Variants in MROH1 observed in about 807,000 individuals in gnomAD.
MROH1 encodes the protein maestro heat-like repeat-containing protein family member 1.
In MROH1, 117 loss-of-function variants were observed where a neutral mutation model predicts 116.5. That is an observed-to-expected ratio of 1.00 (90% CI 0.86 to 1.17). MROH1 has a LOEUF of 1.17. Ranked by LOEUF, MROH1 falls within the 50% of genes most tolerant of loss-of-function variation. The pLI, the probability that MROH1 is intolerant of heterozygous loss-of-function variation, is 0.00. For synonymous variants in MROH1, 921 were observed against 583.9 expected, an observed-to-expected ratio of 1.58 and a Z score of -8.32; for missense variants, 1,873 against 1,338.5, an observed-to-expected ratio of 1.40 and a Z score of -6.23.
At chr8:144,240,843 G>A (rs1840857236) in intron 20 of MROH1, 149 bp from the exon 21 acceptor site, 5 of 680,160 alleles carry the variant, frequency 7.4e-6, no homozygotes, top group African/African-American at 3.5e-5. Context: ...CGGCCCCACC[G>A]CTTATTCCTC....
At chr8:144,165,783 A>G (rs1480748854) in intron 3 of MROH1, among the ~76,000 whole-genome samples, 1 of 133,758 alleles carries the variant, frequency 7.5e-6, no homozygotes. Context: ...GGGTTTCACC[A>G]TGTTGGCCAG....
At chr8:144,248,084 G>C (rs1002045374) in intron 31 of MROH1, among the ~76,000 whole-genome samples, 2 of 152,292 alleles carry the variant, frequency 1.3e-5, no homozygotes, top group South Asian at 2.1e-4. Context: ...AGAGCCACGT[G>C]GGGGGCTAGG....
chr8:144,189,577 C>G (rs1476085127), intron 7 of MROH1, among the ~76,000 whole-genome samples: 1 of 152,204 alleles, frequency 6.6e-6, no homozygotes, highest in Non-Finnish European at 1.5e-5. Flanking sequence ...CAGCTCTGCC[C>G]GCTCCCAGCT....
intron 7 of MROH1, among the ~76,000 whole-genome samples, chr8:144,187,622 T>C (rs1827513147): frequency 6.6e-6 from 1 of 152,142 alleles, no homozygotes; most frequent in Non-Finnish European, 1.5e-5. Flanking sequence ...GACTCAGAGG[T>C]GCCAGCTCCT....
Position 144,250,084 on chromosome 8 carries a change from G to A in MROH1, c.3274-128G>A, listed in dbSNP as rs903830892. 2,579 of 678,112 alleles carry A rather than the reference G, an allele frequency of 3.8e-3. 32 individuals carry two copies. The highest frequency in any genetic ancestry group is 0.031 in the East Asian group (1,156 of 36,932). 42.0% of individuals were successfully genotyped at this position (678,112 alleles called of 1,614,324 possible). On this transcript the variant is annotated intron_variant, in intron 32 of 43. Coordinates refer to ENST00000326134, the MANE Select transcript of MROH1 (RefSeq NM_032450.3). Reference sequence around the variant, plus strand: ...GGGGATCCTGGCCCTACCTCAGGCTGGAACCAGCAGTATGGAGCTCTGCAT... The same window carrying A: ...GGGGATCCTGGCCCTACCTCAGGCTAGAACCAGCAGTATGGAGCTCTGCAT...
rs1314210360 is a variant in MROH1 at position 144,240,116 on chromosome 8, C to G, written c.1790C>G (p.Thr597Ser). Residue 597 changes from threonine to serine, a missense_variant, in exon 19 of 44, where the codon ACC becomes AGC. Thr to Ser is a moderately conservative substitution (Grantham distance 58). Transcript: ENST00000326134. Reference protein sequence around the residue: ...LGYLDEHTEETLPQEEWEEKL... With the variant: ...LGYLDEHTEESLPQEEWEEKL... ...GTCGTTTCAGAGCACACAGAAGAGACCCTGCCACAGGAGGAGTGGGAGGAG... is the reference window on the plus strand; with the variant it reads ...GTCGTTTCAGAGCACACAGAAGAGAGCCTGCCACAGGAGGAGTGGGAGGAG... The G allele has an allele frequency of 3.6e-5, 28 of 778,742 alleles. No homozygotes were observed. The highest frequency in any genetic ancestry group is 6.5e-5 in the Non-Finnish European group (27 of 417,130). 48.2% of individuals were successfully genotyped at this position (778,742 alleles called of 1,614,324 possible). A position where few individuals can be genotyped will look rare whatever the true frequency, so the allele number is the denominator to read the frequency against.
intron 1 of MROH1, among the ~76,000 whole-genome samples, chr8:144,150,198 A>G (rs1220451769): frequency 6.6e-6 from 1 of 151,666 alleles, no homozygotes; most frequent in Non-Finnish European, 1.5e-5. Context: ...CAAGACAGGA[A>G]CTCTGGGCCT....
intron 11 of MROH1, 122 bp downstream of exon 11, chr8:144,199,322 C>T: frequency 1.0e-6 from 1 of 997,990 alleles, no homozygotes; most frequent in Non-Finnish European, 1.5e-6. Context: ...CCCCTGTTTC[C>T]ACCTCTCCTG....
intron 10 of MROH1, among the ~76,000 whole-genome samples, chr8:144,195,501 C>CAAAAAA (rs1163550725): frequency 7.6e-4 from 27 of 35,308 alleles, no homozygotes; most frequent in African/African-American, 1.9e-3. Context: ...GACTCTGTCT[C>CAAAAAA]AAAAAAAAAA....
rs1823912836 is a variant in MROH1 at position 144,176,371 on chromosome 8, T to TC, written c.169-3083dup. On this transcript the variant is annotated intron_variant, in intron 4 of 43. Coordinates refer to ENST00000326134, the MANE Select transcript of MROH1 (RefSeq NM_032450.3). ...CTGGGTGACAGAGCGAGACTGCATC[T>TC]CAAAAAAAAAAAAAATTAGCTGAGT... Among the ~76,000 whole-genome samples the TC allele has an allele frequency of 1.6e-4, 5 of 30,534 alleles. No individual in the cohort carries two copies. The Admixed American group carries it at 2.1e-3, about 13-fold the overall frequency. The allele number at this position is 30,534 out of a possible 152,430, so 20.0% of individuals were successfully genotyped here.
intron 4 of MROH1, among the ~76,000 whole-genome samples, chr8:144,170,869 C>T (rs553368798): frequency 2.0e-5 from 3 of 152,330 alleles, no homozygotes; most frequent in African/African-American, 7.2e-5. Context: ...CCTCAGGGGC[C>T]GTCAGGCCAT....
chr8:144,161,798 T>C (rs982292475), intron 2 of MROH1, among the ~76,000 whole-genome samples: 1 of 152,198 alleles, frequency 6.6e-6, no homozygotes, highest in African/African-American at 2.4e-5. Context: ...GTTCCGCCCG[T>C]TTCTTCCTGG....
chr8:144,174,753 G>A lies in MROH1; in HGVS notation c.169-4702G>A, dbSNP rs191378510. On this transcript the variant is annotated intron_variant, in intron 4 of 43. Coordinates refer to ENST00000326134, the MANE Select transcript of MROH1 (RefSeq NM_032450.3). ...CCACCTTGGCCTCCCAAAGTGCTGG[G>A]GTTACAGGTGTGAGCCACTGTGGCT... The A allele has an allele frequency of 3.8e-3, 3,150 of 839,886 alleles. 17 individuals are homozygous for A. Among genetic ancestry groups the A allele is most frequent in the South Asian group, 8.1e-3 (149 of 18,368 alleles). The allele number at this position is 839,886 out of a possible 1,614,324, so 52.0% of individuals were successfully genotyped here.
At chr8:144,210,130 C>T (rs910313184) in intron 12 of MROH1, among the ~76,000 whole-genome samples, 4 of 151,708 alleles carry the variant, frequency 2.6e-5, no homozygotes, top group African/African-American at 7.3e-5. Flanking sequence ...TTATGATTAG[C>T]TGTGTCCACT....
At chr8:144,192,783 G>T (rs972580123) in intron 10 of MROH1, 10 of 373,388 alleles carry the variant, frequency 2.7e-5, no homozygotes, top group African/African-American at 2.1e-4. Flanking sequence ...CTGCAGGACG[G>T]GGGTCTTGAA....
At chr8:144,198,904 G>C (rs904994479) in intron 10 of MROH1, among the ~76,000 whole-genome samples, 2 of 152,156 alleles carry the variant, frequency 1.3e-5, no homozygotes, top group African/African-American at 4.8e-5. Flanking sequence ...GTAAGGAGAT[G>C]GGGCTGGTCC....
At chr8:144,232,307 G>A (rs1839052050) in intron 14 of MROH1, among the ~76,000 whole-genome samples, 1 of 151,972 alleles carries the variant, frequency 6.6e-6, no homozygotes, top group African/African-American at 2.4e-5. Context: ...TGCCCTTTAT[G>A]AGCTTGAAGA....
At position 144,246,483 on chromosome 8, in the gene MROH1, C is replaced by G. The variant is rs982948378; in HGVS notation, c.2872-818C>G. ...CTCGTGTGTTCAGGGCTCTTCCCAC[C>G]TCATACTTTCATGGCCTGTTCATCA... On this transcript the variant is annotated intron_variant, in intron 29 of 43. Transcript: ENST00000326134. Among the ~76,000 whole-genome samples the G allele has an allele frequency of 2.2e-3, 341 of 152,264 alleles. 1 individual carries two copies. Among genetic ancestry groups the G allele is most frequent in the African/African-American group, 7.8e-3 (324 of 41,550 alleles).
At chr8:144,250,132 C>T in intron 32 of MROH1, 80 bp from the exon 33 acceptor site, 1 of 715,904 alleles carries the variant, frequency 1.4e-6, no homozygotes, top group South Asian at 1.5e-5. Flanking sequence ...CCTCATGGCC[C>T]CACCCCCTTG....
Sources: allele counts gnomAD v4.1 joint callset (sites outside exome capture counted in the v4.1 genomes callset), GRCh38; gene constraint gnomAD v4.1.1; transcripts MANE v1.5; gene names NCBI Gene and HGNC (gene_info 2026-07-23, HGNC 2026-07-21).